Variants in NEK7 observed in about 807,000 individuals in gnomAD.
NEK7 encodes NIMA related kinase 7.
Under a neutral mutation model 44.6 loss-of-function variants are expected in NEK7, and 18 were observed. The observed-to-expected ratio is 0.40, with a 90% CI of 0.28 to 0.60. NEK7 has a LOEUF of 0.60. Ranked by LOEUF, NEK7 falls within the 20% of genes least tolerant of loss-of-function variation. The probability of loss-of-function intolerance (pLI) is 0.38; values close to 1 mark genes in which losing one functional copy is unlikely to be tolerated. For synonymous variants in NEK7, 130 were observed against 121.1 expected, an observed-to-expected ratio of 1.07 and a Z score of -0.48; for missense variants, 256 against 366.5, an observed-to-expected ratio of 0.70 and a Z score of 2.46.
At chr1:198,296,249 T>G (rs1255727758) in intron 8 of NEK7, among the ~76,000 whole-genome samples, 2 of 152,294 alleles carry the variant, frequency 1.3e-5, no homozygotes, top group East Asian at 3.9e-4. Flanking sequence ...GGTGACTGAC[T>G]TTGGGGCAGC....
At chr1:198,251,409 T>G (rs1652975185) in intron 2 of NEK7, among the ~76,000 whole-genome samples, 1 of 130,174 alleles carries the variant, frequency 7.7e-6, no homozygotes, top group African/African-American at 3.1e-5. Context: ...TTAGGGAGGA[T>G]TCTCTCTTTT....
chr1:198,236,078 T>A (rs1666538152), intron 2 of NEK7, among the ~76,000 whole-genome samples: 1 of 152,174 alleles, frequency 6.6e-6, no homozygotes, highest in Admixed American at 6.5e-5. Flanking sequence ...TTGAGTAGCA[T>A]GTTCAGGGTA....
At chr1:198,196,004 C>G (rs1434661457) in intron 1 of NEK7, among the ~76,000 whole-genome samples, 1 of 152,092 alleles carries the variant, frequency 6.6e-6, no homozygotes, top group Non-Finnish European at 1.5e-5. Context: ...ATTGTTCCTG[C>G]TACCAGAAGA....
intron 2 of NEK7, among the ~76,000 whole-genome samples, chr1:198,244,076 A>T (rs1308700279): frequency 1.3e-5 from 2 of 152,190 alleles, no homozygotes; most frequent in Non-Finnish European, 2.9e-5. Flanking sequence ...AAGATATTTT[A>T]AAGTTTTGTT....
intron 7 of NEK7, among the ~76,000 whole-genome samples, chr1:198,290,656 G>C (rs1218873714): frequency 1.3e-5 from 2 of 152,102 alleles, no homozygotes; most frequent in Non-Finnish European, 2.9e-5. Context: ...AATAATTATA[G>C]TGCAGAATAC....
At chr1:198,238,533 G>A (rs868647997) in intron 2 of NEK7, among the ~76,000 whole-genome samples, 10 of 152,142 alleles carry the variant, frequency 6.6e-5, no homozygotes, top group Admixed American at 3.9e-4. Context: ...GCTACCATCA[G>A]TGTTTACTGA....
intron 9 of NEK7, among the ~76,000 whole-genome samples, chr1:198,303,149 G>A (rs149594898): frequency 1.4e-3 from 213 of 152,170 alleles, no homozygotes; most frequent in African/African-American, 4.7e-3. Context: ...ATGAGGAAAC[G>A]GCAGAAGGGT....
At chr1:198,306,819 A>G (rs1461679300) in intron 9 of NEK7, among the ~76,000 whole-genome samples, 1 of 152,144 alleles carries the variant, frequency 6.6e-6, no homozygotes, top group Admixed American at 6.6e-5. Flanking sequence ...GACTTTTGCA[A>G]CTTATTTTAC....
At chr1:198,166,397 T>TGGCTCCA (rs1664271000) in intron 1 of NEK7, among the ~76,000 whole-genome samples, 1 of 152,250 alleles carries the variant, frequency 6.6e-6, no homozygotes, top group South Asian at 2.1e-4. Flanking sequence ...CTTGGCTGTT[T>TGGCTCCA]GGCTCCAGAG....
At chr1:198,309,240 C>A (rs771952346) in intron 9 of NEK7, among the ~76,000 whole-genome samples, 3 of 151,850 alleles carry the variant, frequency 2.0e-5, no homozygotes, top group Admixed American at 6.6e-5. Context: ...GTGTTATAAA[C>A]AGAGGAGCAG....
intron 9 of NEK7, among the ~76,000 whole-genome samples, chr1:198,314,795 G>T (rs1010144861): frequency 6.6e-6 from 1 of 152,214 alleles, no homozygotes; most frequent in Non-Finnish European, 1.5e-5. Context: ...CCCGTTCTCA[G>T]ATCTCCAGCT....
At chr1:198,253,883 C>A (rs1294986481) in intron 3 of NEK7, among the ~76,000 whole-genome samples, 1 of 152,092 alleles carries the variant, frequency 6.6e-6, no homozygotes, top group Non-Finnish European at 1.5e-5. Context: ...GGTCCTCTGG[C>A]CTAGAAAGTA....
intron 1 of NEK7, among the ~76,000 whole-genome samples, chr1:198,196,074 T>G (rs1207751388): frequency 1.3e-5 from 2 of 152,188 alleles, no homozygotes; most frequent in Non-Finnish European, 1.5e-5. Flanking sequence ...AATAATTTAT[T>G]AATTGAAAGT....
At chr1:198,210,376 A>G (rs1463553330) in intron 1 of NEK7, among the ~76,000 whole-genome samples, 1 of 152,186 alleles carries the variant, frequency 6.6e-6, no homozygotes, top group Non-Finnish European at 1.5e-5. Flanking sequence ...TAAGTCACTG[A>G]ACCTGTCCTA....
chr1:198,296,647 C>A (rs995985411), intron 8 of NEK7, among the ~76,000 whole-genome samples: 1 of 152,104 alleles, frequency 6.6e-6, no homozygotes, highest in Non-Finnish European at 1.5e-5. Context: ...CTCAGAATAA[C>A]CTTTATCTTC....
At chr1:198,177,570 T>C (rs73075176) in intron 1 of NEK7, among the ~76,000 whole-genome samples, 3,886 of 152,152 alleles carry the variant, frequency 0.026, 161 homozygotes, top group African/African-American at 0.088. Context: ...GAAAAAGCAT[T>C]GAAATGCTTT....
intron 1 of NEK7, among the ~76,000 whole-genome samples, chr1:198,161,784 C>T (rs1046289135): frequency 3.3e-5 from 5 of 151,996 alleles, no homozygotes; most frequent in Admixed American, 2.0e-4. Context: ...CTGACTAAAG[C>T]GACATAGAAT....
At chr1:198,178,538 A>T (rs964572405) in intron 1 of NEK7, among the ~76,000 whole-genome samples, 1 of 152,054 alleles carries the variant, frequency 6.6e-6, no homozygotes, top group Non-Finnish European at 1.5e-5. Context: ...AGTTTGGAAA[A>T]ATCTGCATCG....
intron 2 of NEK7, among the ~76,000 whole-genome samples, chr1:198,239,596 A>G (rs1666629829): frequency 6.6e-6 from 1 of 152,174 alleles, no homozygotes; most frequent in African/African-American, 2.4e-5. Context: ...CTATATTAGC[A>G]TGCTTCTAAT....
Sources: gnomAD v4.1 joint callset for allele counts (sites outside exome capture counted in the v4.1 genomes callset) on GRCh38, gnomAD v4.1.1 for gene constraint, MANE v1.5 for transcripts, NCBI Gene and HGNC (gene_info 2026-07-23, HGNC 2026-07-21) for gene names.